Variants in APBA2 observed in about 807,000 individuals in gnomAD.
The protein encoded by APBA2 is amyloid-beta A4 precursor protein-binding family A member 2.
APBA2 carries 30 observed loss-of-function variants against 75.0 expected under a neutral mutation model. The ratio of observed to expected loss-of-function variants is 0.40; its 90% confidence interval spans 0.30 to 0.54. APBA2 has a LOEUF of 0.54. Among genes scored for constraint, APBA2 ranks in the 20% least tolerant of loss-of-function variants. APBA2 has a pLI of 0.49. For synonymous variants in APBA2, 444 were observed against 409.6 expected (o/e 1.08, Z -1.01); for missense variants, 801 against 1,016.1 (o/e 0.79, Z 2.88).
chr15:28,960,760 C>CT (rs760299039), intron 2 of APBA2, among the ~76,000 whole-genome samples: 1,622 of 137,104 alleles, frequency 0.012, 18 homozygotes, highest in African/African-American at 0.023. Flanking sequence ...ACCCATCATT[C>CT]TTTTTTTTTT....
chr15:29,116,665 C>T (rs546782485), intron 14 of APBA2, among the ~76,000 whole-genome samples: 3 of 152,186 alleles, frequency 2.0e-5, no homozygotes, highest in Admixed American at 2.0e-4. Flanking sequence ...TGTGTCTTCC[C>T]CCATTGAGCT....
At chr15:28,946,843 T>G (rs1420727459) in intron 2 of APBA2, among the ~76,000 whole-genome samples, 1 of 152,198 alleles carries the variant, frequency 6.6e-6, no homozygotes, top group Admixed American at 6.5e-5. Flanking sequence ...CCTCGCCAAG[T>G]GCTGGGATTA....
intron 2 of APBA2, among the ~76,000 whole-genome samples, chr15:28,986,439 C>G (rs568576656): frequency 6.6e-6 from 1 of 152,318 alleles, no homozygotes; most frequent in East Asian, 1.9e-4. Context: ...AGCGCCACTT[C>G]TCAGCCTGTA....
intron 8 of APBA2, among the ~76,000 whole-genome samples, chr15:29,097,432 C>T (rs1045684966): frequency 2.3e-4 from 35 of 152,330 alleles, no homozygotes; most frequent in African/African-American, 7.9e-4. Flanking sequence ...CTAGATGATG[C>T]GGCCGGTGGC....
At chr15:28,951,779 C>G (rs2035889056) in intron 2 of APBA2, among the ~76,000 whole-genome samples, 1 of 149,466 alleles carries the variant, frequency 6.7e-6, no homozygotes, top group Non-Finnish European at 1.5e-5. Flanking sequence ...GACAGAGTTT[C>G]ACCATGTTGG....
intron 2 of APBA2, among the ~76,000 whole-genome samples, chr15:28,953,418 C>T (rs576993537): frequency 2.0e-5 from 3 of 152,280 alleles, no homozygotes; most frequent in South Asian, 2.1e-4. Context: ...CCCCCCGCCC[C>T]ACCCCCTGCT....
intron 1 of APBA2, among the ~76,000 whole-genome samples, chr15:28,906,357 C>T (rs1345958479): frequency 2.6e-5 from 4 of 152,224 alleles, no homozygotes; most frequent in Admixed American, 6.5e-5. Context: ...CAGCATTATT[C>T]TCTCTGACAC....
chr15:29,073,892 T>C (rs1332572216), intron 4 of APBA2, among the ~76,000 whole-genome samples: 2 of 152,216 alleles, frequency 1.3e-5, no homozygotes, highest in African/African-American at 4.8e-5. Flanking sequence ...GAAGCAGTTG[T>C]AGTTTGGTGT....
chr15:29,006,808 G>T (rs190832542), intron 3 of APBA2, among the ~76,000 whole-genome samples: 7 of 152,326 alleles, frequency 4.6e-5, no homozygotes, highest in African/African-American at 1.4e-4. Flanking sequence ...AAGATTTGGC[G>T]TGGGACATAG....
At chr15:29,020,833 C>T (rs2039917221) in intron 3 of APBA2, among the ~76,000 whole-genome samples, 1 of 152,090 alleles carries the variant, frequency 6.6e-6, no homozygotes, top group African/African-American at 2.4e-5. Flanking sequence ...ACAAAACGAC[C>T]TCCTCCCAAA....
At position 28,947,576 on chromosome 15, in the gene APBA2, A is replaced by G. The variant is rs2035616147; in HGVS notation, c.-95+25827A>G. Among the ~76,000 whole-genome samples the G allele has an allele frequency of 2.6e-5, 4 of 151,994 alleles. No individual in the cohort carries two copies. In the South Asian group the frequency reaches 8.3e-4, roughly 32 times the overall value. On this transcript the variant is annotated intron_variant, in intron 2 of 14. Transcript: ENST00000683413. Reference sequence around the variant, plus strand: ...TCTGCAGGCTTCTTCCTATCTTTGGAGCGGCTCCACCACTGGAATCTGTGA... The same window carrying G: ...TCTGCAGGCTTCTTCCTATCTTTGGGGCGGCTCCACCACTGGAATCTGTGA...
chr15:28,969,367 G>A (rs2036940901), intron 2 of APBA2, among the ~76,000 whole-genome samples: 1 of 151,856 alleles, frequency 6.6e-6, no homozygotes, highest in Non-Finnish European at 1.5e-5. Context: ...TTTTAGTAGA[G>A]ATGGGGTTTC....
chr15:28,964,795 G>A (rs1595584890), intron 2 of APBA2, among the ~76,000 whole-genome samples: 1 of 151,736 alleles, frequency 6.6e-6, no homozygotes, highest in South Asian at 2.1e-4. Flanking sequence ...GCCCACTTTT[G>A]CTCATTTTCT....
chr15:28,912,939 C>T (rs1438523800), intron 1 of APBA2, among the ~76,000 whole-genome samples: 1 of 152,242 alleles, frequency 6.6e-6, no homozygotes, highest in African/African-American at 2.4e-5. Flanking sequence ...TGTTGAATAC[C>T]TGCTGTGTGC....
At chr15:28,975,270 T>A (rs2037276709) in intron 2 of APBA2, among the ~76,000 whole-genome samples, 1 of 152,136 alleles carries the variant, frequency 6.6e-6, no homozygotes, top group Non-Finnish European at 1.5e-5. Flanking sequence ...CTATCAAATC[T>A]TCAAAGAACA....
intron 3 of APBA2, among the ~76,000 whole-genome samples, chr15:29,015,227 C>T (rs970082014): frequency 1.3e-5 from 2 of 152,294 alleles, no homozygotes; most frequent in Admixed American, 6.5e-5. Context: ...GAGGCATGCT[C>T]TTGGAGAATC....
chr15:28,982,471 T>C lies in APBA2; in HGVS notation c.-94-13282T>C, dbSNP rs2152768812. On this transcript the variant is annotated intron_variant, in intron 2 of 14. Transcript: ENST00000683413. Reference sequence around the variant, plus strand: ...ACCTGGTTGCAGGCAAGGTTTGATCTAGCAGCTTGACCTTGTTAGCACAGG... The same window carrying C: ...ACCTGGTTGCAGGCAAGGTTTGATCCAGCAGCTTGACCTTGTTAGCACAGG... Among the ~76,000 whole-genome samples the C allele has an allele frequency of 1.3e-5, 2 of 152,366 alleles. 1 individual carries two copies. The highest frequency in any genetic ancestry group is 4.8e-5 in the African/African-American group (2 of 41,586).
At chr15:29,073,102 G>A (rs1042714038) in intron 4 of APBA2, among the ~76,000 whole-genome samples, 6 of 152,172 alleles carry the variant, frequency 3.9e-5, no homozygotes, top group African/African-American at 1.4e-4. Flanking sequence ...TCAGTGCTGG[G>A]AGGGTGGGCC....
Position 29,054,473 on chromosome 15 carries a change from T to C in APBA2, c.589T>C (p.Tyr197His). The C allele has an allele frequency of 4.3e-6, 7 of 1,614,036 alleles. No homozygotes were observed. Among genetic ancestry groups the C allele is most frequent in the Non-Finnish European group, 5.9e-6 (7 of 1,179,990 alleles). ...CASKEGYQDY[Y>H]PEEANGNTGA... Reference sequence around the variant, plus strand: ...CAGCAAAGAGGGCTACCAGGACTACTACCCCGAGGAGGCCAACGGGAACAC... The same window carrying C: ...CAGCAAAGAGGGCTACCAGGACTACCACCCCGAGGAGGCCAACGGGAACAC... The change falls in exon 4 of 15, where the codon TAC becomes CAC. Residue 197 changes from tyrosine (Y) to histidine (H), a missense_variant. By Grantham distance (83) the Tyr-to-His change is moderately conservative (BLOSUM62 2). Coordinates refer to ENST00000683413, the MANE Select transcript of APBA2 (RefSeq NM_001353788.2). The surrounding 1 kb of genome is among the most constrained non-coding windows in gnomAD (Gnocchi z 6.1).
Sources: gnomAD v4.1 joint callset for allele counts (sites outside exome capture counted in the v4.1 genomes callset) on GRCh38, gnomAD v4.1.1 for gene constraint, Gnocchi (gnomAD v3.1) non-coding constraint, MANE v1.5 for transcripts, NCBI Gene and HGNC (gene_info 2026-07-23, HGNC 2026-07-21) for gene names.